Variants in YEATS2 observed in about 807,000 individuals in gnomAD.
YEATS2 encodes YEATS domain-containing protein 2.
Under a neutral mutation model 163.2 loss-of-function variants are expected in YEATS2, and 77 were observed. The observed-to-expected ratio is 0.47, with a 90% CI of 0.39 to 0.57. YEATS2 has a LOEUF of 0.57. Among genes scored for constraint, YEATS2 ranks in the 20% least tolerant of loss-of-function variants. The pLI, the probability that YEATS2 is intolerant of heterozygous loss-of-function variation, is 0.00. For missense variants in YEATS2, 1,549 were observed against 1,729.8 expected (o/e 0.90, Z 1.85); for synonymous variants, 631 against 645.1 (o/e 0.98, Z 0.33).
chr3:183,797,823 G>A (rs1192351449), intron 21 of YEATS2, 100 bp from the exon 22 acceptor site: 4 of 1,499,056 alleles, frequency 2.7e-6, no homozygotes, highest in Non-Finnish European at 3.6e-6. Context: ...TAAATGTCCT[G>A]GGAACTTCCT....
chr3:183,783,223 G>A (rs1405746235), intron 19 of YEATS2, among the ~76,000 whole-genome samples: 8 of 152,134 alleles, frequency 5.3e-5, no homozygotes, highest in East Asian at 1.9e-4. Context: ...AATGACTTAC[G>A]ATGACATAAG....
Position 183,703,989 on chromosome 3 carries a change from A to G in YEATS2, c.-20+5996A>G, listed in dbSNP as rs538336016. ...TCCCTCTACTAAAAAAATAAAATAA[A>G]ATAAAATAAAAAATAGCCAGATGTG... On this transcript the variant is annotated intron_variant, in intron 1 of 30. Coordinates refer to ENST00000305135, the MANE Select transcript of YEATS2 (RefSeq NM_018023.5). Among the ~76,000 whole-genome samples, 15 of 151,996 alleles carry G rather than the reference A, an allele frequency of 9.9e-5. 1 individual carries two copies. In the South Asian group the frequency reaches 2.9e-3, roughly 29 times the overall value.
chr3:183,749,157 A>G (rs1011296394), intron 9 of YEATS2, among the ~76,000 whole-genome samples: 1 of 151,846 alleles, frequency 6.6e-6, no homozygotes, highest in African/African-American at 2.4e-5. Context: ...TTAGACCAGG[A>G]TGGTCTCGAT....
At chr3:183,800,316 G>A (rs1384168597) in intron 23 of YEATS2, 150 bp from the exon 24 acceptor site, 2 of 611,150 alleles carry the variant, frequency 3.3e-6, no homozygotes, top group African/African-American at 1.9e-5. Flanking sequence ...GGGATGATAG[G>A]AGCCATCTCA....
chr3:183,771,128 T>G (rs915019572), intron 15 of YEATS2, among the ~76,000 whole-genome samples: 3 of 152,240 alleles, frequency 2.0e-5, no homozygotes, highest in African/African-American at 7.2e-5. Flanking sequence ...TGTCCAAATT[T>G]ATCTTCCTAC....
At chr3:183,725,076 A>C (rs371267936) in intron 6 of YEATS2, among the ~76,000 whole-genome samples, 1 of 49,968 alleles carries the variant, frequency 2.0e-5, no homozygotes, top group Admixed American at 2.4e-4. Context: ...TCGTTTTATT[A>C]GTCTTTTTAT....
rs569075254 is a variant in YEATS2 at position 183,734,611 on chromosome 3, G to A, written c.813-2107G>A. On this transcript the variant is annotated intron_variant, in intron 7 of 30. Transcript: ENST00000305135. ...CATGTGGAGGAAGAATTTACTCCTT[G>A]TGATTCCAAATGGCATATCTAGAAT... Among the ~76,000 whole-genome samples, 135 of 152,292 alleles carry A rather than the reference G, an allele frequency of 8.9e-4. 1 individual carries two copies. Among genetic ancestry groups the A allele is most frequent in the African/African-American group, 3.1e-3 (127 of 41,566 alleles).
chr3:183,736,704 C>A lies in YEATS2; in HGVS notation c.813-14C>A. 2 of 1,606,748 alleles carry A rather than the reference C, an allele frequency of 1.2e-6. No individual in the cohort carries two copies. Among genetic ancestry groups the A allele is most frequent in the South Asian group, 2.2e-5 (2 of 90,074 alleles). The stretch of plus-strand genomic sequence containing the variant: ...TGAACATGGATGAACGTGTTAATAT[C>A]TGCTTTTCCATAGAGAGCCTCCTTT... On this transcript the variant is annotated splice_polypyrimidine_tract_variant and intron_variant, in intron 7 of 30. Transcript: ENST00000305135.
intron 7 of YEATS2, among the ~76,000 whole-genome samples, chr3:183,733,687 A>C (rs1398164075): frequency 6.6e-6 from 1 of 152,154 alleles, no homozygotes; most frequent in Non-Finnish European, 1.5e-5. Context: ...TCAAAGCACA[A>C]ATGTTTTTCT....
intron 6 of YEATS2, 135 bp downstream of exon 6, chr3:183,724,666 CCA>C: frequency 1.6e-6 from 1 of 636,194 alleles, no homozygotes; most frequent in Middle Eastern, 3.7e-4. Context: ...AAAAAGTAAA[CCA>C]CAGTCTAGAG....
At chr3:183,698,798 A>C (rs1713763849) in intron 1 of YEATS2, among the ~76,000 whole-genome samples, 1 of 152,176 alleles carries the variant, frequency 6.6e-6, no homozygotes, top group Admixed American at 6.6e-5. Context: ...AGAATTCAGC[A>C]ATATCATTTC....
chr3:183,742,045 CAA>C (rs35894648), intron 8 of YEATS2, among the ~76,000 whole-genome samples: 6 of 125,314 alleles, frequency 4.8e-5, no homozygotes, highest in Admixed American at 8.1e-5. Flanking sequence ...CTCATCTCTA[CAA>C]AAAAAAAAAA....
intron 1 of YEATS2, among the ~76,000 whole-genome samples, chr3:183,707,128 G>A (rs976034838): frequency 3.3e-5 from 5 of 152,260 alleles, no homozygotes; most frequent in African/African-American, 1.2e-4. Context: ...ATCCAAAACA[G>A]TATGAAATCT....
intron 26 of YEATS2, 55 bp from the exon 27 acceptor site, chr3:183,803,932 T>G (rs1725930141): frequency 6.4e-7 from 1 of 1,574,164 alleles, no homozygotes; most frequent in East Asian, 2.2e-5. Flanking sequence ...TGATACGTAG[T>G]TGTGTTAAGT....
intron 18 of YEATS2, among the ~76,000 whole-genome samples, chr3:183,776,420 T>A: frequency 6.6e-6 from 1 of 151,970 alleles, no homozygotes; most frequent in East Asian, 1.9e-4. Context: ...GGTGCACGTC[T>A]ACAGTCCCAG....
intron 8 of YEATS2, among the ~76,000 whole-genome samples, chr3:183,742,774 T>A (rs867408025): frequency 6.6e-6 from 1 of 152,232 alleles, no homozygotes; most frequent in South Asian, 2.1e-4. Context: ...TCAAACAGCA[T>A]TGAATGCTAC....
At chr3:183,747,608 A>G in intron 8 of YEATS2, 64 bp from the exon 9 acceptor site, 8 of 1,405,348 alleles carry the variant, frequency 5.7e-6, no homozygotes, top group Non-Finnish European at 8.0e-6. Flanking sequence ...TAAAGATTGT[A>G]TCCTATGATA....
chr3:183,805,732 C>T (rs984726020), intron 27 of YEATS2, among the ~76,000 whole-genome samples: 6 of 151,780 alleles, frequency 4.0e-5, no homozygotes, highest in Non-Finnish European at 5.9e-5. Context: ...GAGGCTGCAG[C>T]GAGCTGTAAT....
intron 29 of YEATS2, 139 bp downstream of exon 29, chr3:183,808,243 T>C (rs1357278422): frequency 3.1e-6 from 2 of 650,052 alleles, no homozygotes; most frequent in African/African-American, 1.9e-5. Flanking sequence ...TTCTCTCTTT[T>C]TGTTTTTTTG....
Sources: allele counts gnomAD v4.1 joint callset (sites outside exome capture counted in the v4.1 genomes callset), GRCh38; gene constraint gnomAD v4.1.1; transcripts MANE v1.5; gene names NCBI Gene and HGNC (gene_info 2026-07-23, HGNC 2026-07-21).